BMP7: variants seen among roughly 807,000 people sequenced by gnomAD.
BMP7 encodes bone morphogenetic protein 7, also known as osteogenic protein 1.
Under a neutral mutation model 41.2 loss-of-function variants are expected in BMP7, and 12 were observed. The observed-to-expected ratio is 0.29, with a 90% CI of 0.19 to 0.47. The LOEUF is 0.47. BMP7 is among the 20% of genes least tolerant of loss of function. BMP7 has a pLI of 0.99. For synonymous variants in BMP7, 248 were observed against 250.0 expected (o/e 0.99, Z 0.07); for missense variants, 467 against 606.0 (o/e 0.77, Z 2.41).
chr20:57,199,147 G>A (rs773760231), intron 3 of BMP7, among the ~76,000 whole-genome samples: 2 of 152,162 alleles, frequency 1.3e-5, no homozygotes, highest in Non-Finnish European at 2.9e-5. Context: ...CCAGCTCGGG[G>A]CCAGGCACAA....
intron 3 of BMP7, among the ~76,000 whole-genome samples, chr20:57,193,695 T>C (rs1021003991): frequency 4.6e-5 from 7 of 152,210 alleles, no homozygotes; most frequent in African/African-American, 1.4e-4. Flanking sequence ...GCTTCCAGCT[T>C]TGGTGATTAC....
intron 1 of BMP7, among the ~76,000 whole-genome samples, chr20:57,260,334 A>C (rs984431153): frequency 2.0e-5 from 3 of 152,136 alleles, no homozygotes; most frequent in Non-Finnish European, 4.4e-5. Context: ...CTGCCTCTAC[A>C]CACATGTCCA....
intron 4 of BMP7, among the ~76,000 whole-genome samples, chr20:57,175,358 A>G (rs116244480): frequency 0.012 from 1,897 of 152,154 alleles, 38 homozygotes; most frequent in African/African-American, 0.043. Flanking sequence ...AACCCCATCC[A>G]CCTCACACAA....
At chr20:57,242,499 G>A (rs540738163) in intron 1 of BMP7, among the ~76,000 whole-genome samples, 5 of 152,108 alleles carry the variant, frequency 3.3e-5, no homozygotes, top group Admixed American at 2.0e-4. Flanking sequence ...CCCTTTTCTC[G>A]CCTATTAGAC....
chr20:57,246,419 G>A lies in BMP7; in HGVS notation c.419-17998C>T, dbSNP rs141901019. Among the ~76,000 whole-genome samples, 292 of 152,304 alleles carry A rather than the reference G, an allele frequency of 1.9e-3. 1 individual carries two copies. Among genetic ancestry groups the A allele is most frequent in the African/African-American group, 6.5e-3 (270 of 41,560 alleles). ...ACACACATAACTGTAAAACCCCTAT[G>A]TGTCTTCCTCCTGCCCTCATGTGAG... On this transcript the variant is annotated intron_variant, in intron 1 of 6. Coordinates refer to ENST00000395863, the MANE Select transcript of BMP7 (RefSeq NM_001719.3).
At chr20:57,245,408 G>A (rs891747617) in intron 1 of BMP7, among the ~76,000 whole-genome samples, 1 of 152,100 alleles carries the variant, frequency 6.6e-6, no homozygotes, top group Admixed American at 6.6e-5. Context: ...GTGCAGTGAT[G>A]TAATTACAGC....
chr20:57,254,017 C>CTTTTTT lies in BMP7; in HGVS notation c.418+11682_418+11687dup, dbSNP rs35180643. On this transcript the variant is annotated intron_variant, in intron 1 of 6. Transcript: ENST00000395863. ...ATTGTATTTTCTTTTGGTTTCTTTC[C>CTTTTTT]TTTTTTTTTTTTTTTTTTTTTTTTT... Among the ~76,000 whole-genome samples the CTTTTTT allele has an allele frequency of 3.2e-3, 232 of 71,536 alleles. 7 individuals are homozygous for CTTTTTT. Among genetic ancestry groups the CTTTTTT allele is most frequent in the African/African-American group, 0.012 (187 of 16,078 alleles). The allele number at this position is 71,536 out of a possible 152,430, so 46.9% of individuals were successfully genotyped here. A position where few individuals can be genotyped will look rare whatever the true frequency, so the allele number is the denominator to read the frequency against.
At chr20:57,246,676 T>C (rs2066091815) in intron 1 of BMP7, among the ~76,000 whole-genome samples, 1 of 152,118 alleles carries the variant, frequency 6.6e-6, no homozygotes, top group South Asian at 2.1e-4. Context: ...GTCATGAAAA[T>C]TAAATATGTT....
intron 6 of BMP7, 32 bp downstream of exon 6, chr20:57,173,168 G>A (rs1440080763): frequency 5.0e-6 from 8 of 1,603,242 alleles, no homozygotes; most frequent in Admixed American, 3.3e-5. Context: ...CCCGGCCCAG[G>A]TGACCACACC....
intron 1 of BMP7, among the ~76,000 whole-genome samples, chr20:57,254,454 C>G (rs1172052249): frequency 6.6e-6 from 1 of 152,158 alleles, no homozygotes; most frequent in Non-Finnish European, 1.5e-5. Flanking sequence ...GGGAGTCCTT[C>G]CTGCCCATGT....
In BMP7 at chr20:57,228,211, T is replaced by C. The variant is rs764835488; in HGVS notation, c.611+18A>G. 3 of 1,612,094 alleles carry C rather than the reference T, an allele frequency of 1.9e-6. No individual in the cohort carries two copies. The highest frequency in any genetic ancestry group is 1.7e-5 in the Admixed American group (1 of 60,008). On this transcript the variant is annotated intron_variant, in intron 2 of 6. Transcript: ENST00000395863. This position sits in a 1 kb window ranked among gnomAD's most constrained non-coding sequence, Gnocchi z 4.5. ...GAGGAAACTCAGCACCTCTCCCAGA[T>C]ACCCGTATAGCACCCACCTGCCCAA... is the stretch of plus-strand genomic sequence containing the variant.
chr20:57,231,147 G>A (rs1041249402), intron 1 of BMP7, among the ~76,000 whole-genome samples: 5 of 152,182 alleles, frequency 3.3e-5, no homozygotes, highest in African/African-American at 7.2e-5. Context: ...TTGAACAGTC[G>A]CTGCAGGGCC....
At chr20:57,182,779 C>T (rs1041945428) in intron 4 of BMP7, among the ~76,000 whole-genome samples, 31 of 152,282 alleles carry the variant, frequency 2.0e-4, no homozygotes, top group Admixed American at 2.0e-3. Flanking sequence ...AGAGCACGAC[C>T]TCCTGGAAGT....
In BMP7 at chr20:57,225,401, GTGA is replaced by G. The variant is rs539690231; in HGVS notation, c.611+2825_611+2827del. Among the ~76,000 whole-genome samples, 8 of 152,294 alleles carry G rather than the reference GTGA, an allele frequency of 5.3e-5. No individual in the cohort carries two copies. The South Asian group carries it at 1.7e-3, about 32-fold the overall frequency. Reference sequence around the variant, plus strand: ...AAGAGGTCTTGCTCCACTTCCTGCTGTGATGATGATGATACTAACGCAGGTGAC... The same window carrying G: ...AAGAGGTCTTGCTCCACTTCCTGCTGTGATGATGATACTAACGCAGGTGAC... On this transcript the variant is annotated intron_variant, in intron 2 of 6. Coordinates refer to ENST00000395863, the MANE Select transcript of BMP7 (RefSeq NM_001719.3).
intron 2 of BMP7, among the ~76,000 whole-genome samples, chr20:57,219,530 G>C (rs533106912): frequency 6.6e-6 from 1 of 152,078 alleles, no homozygotes; most frequent in African/African-American, 2.4e-5. Flanking sequence ...GCATCTGGTG[G>C]GCAGAAGCCA....
chr20:57,263,154 A>G (rs1053451986), intron 1 of BMP7, among the ~76,000 whole-genome samples: 8 of 152,176 alleles, frequency 5.3e-5, no homozygotes, highest in African/African-American at 1.9e-4. Flanking sequence ...GAGAAAGAAA[A>G]CAAGGTCAGT....
chr20:57,180,049 G>A (rs1984039364), intron 4 of BMP7, among the ~76,000 whole-genome samples: 1 of 152,062 alleles, frequency 6.6e-6, no homozygotes, highest in South Asian at 2.1e-4. Context: ...TCTCTGCCGG[G>A]ATGCAGTTTG....
At chr20:57,248,208 A>G (rs2066097863) in intron 1 of BMP7, among the ~76,000 whole-genome samples, 1 of 152,216 alleles carries the variant, frequency 6.6e-6, no homozygotes, top group Non-Finnish European at 1.5e-5. Flanking sequence ...CACATGTACA[A>G]ATAACTTTTG....
At chr20:57,225,092 A>G (rs1383034487) in intron 2 of BMP7, among the ~76,000 whole-genome samples, 1 of 152,194 alleles carries the variant, frequency 6.6e-6, no homozygotes, top group African/African-American at 2.4e-5. Context: ...TGGCGGGGAC[A>G]GCAGGGCAGG....
Sources: gnomAD v4.1 joint callset for allele counts (sites outside exome capture counted in the v4.1 genomes callset) on GRCh38, gnomAD v4.1.1 for gene constraint, Gnocchi (gnomAD v3.1) non-coding constraint, MANE v1.5 for transcripts, NCBI Gene and HGNC (gene_info 2026-07-23, HGNC 2026-07-21) for gene names.